Variants in LUZP2 observed in about 807,000 individuals in gnomAD.
LUZP2 encodes the protein leucine zipper protein 2.
Under a neutral mutation model 51.6 loss-of-function variants are expected in LUZP2, and 52 were observed. The ratio of observed to expected loss-of-function variants is 1.01; its 90% CI spans 0.81 to 1.27. LUZP2 has a LOEUF of 1.27. LUZP2 is among the 50% of genes most tolerant of loss of function. The pLI is 0.00. For missense variants in LUZP2, 436 were observed against 395.4 expected, an observed-to-expected ratio of 1.10 and a Z score of -0.87; for synonymous variants, 154 against 137.3, an observed-to-expected ratio of 1.12 and a Z score of -0.85.
intron 5 of LUZP2, among the ~76,000 whole-genome samples, chr11:24,890,445 T>C (rs1317690625): frequency 6.6e-6 from 1 of 152,198 alleles, no homozygotes; most frequent in Non-Finnish European, 1.5e-5. Flanking sequence ...TGCAATCTCT[T>C]AAACAAGTGG....
At chr11:25,056,857 T>G (rs1161856360) in intron 10 of LUZP2, among the ~76,000 whole-genome samples, 2 of 152,150 alleles carry the variant, frequency 1.3e-5, no homozygotes, top group African/African-American at 4.8e-5. Flanking sequence ...TCCCGGCGCT[T>G]TGGGAGCCCA....
intron 5 of LUZP2, among the ~76,000 whole-genome samples, chr11:24,856,585 C>A (rs1158985295): frequency 6.6e-6 from 1 of 151,692 alleles, no homozygotes; most frequent in Non-Finnish European, 1.5e-5. Context: ...GGATATCTAC[C>A]CAAAGGGAAT....
At chr11:24,510,738 C>T (rs1850282887) in intron 1 of LUZP2, among the ~76,000 whole-genome samples, 1 of 152,038 alleles carries the variant, frequency 6.6e-6, no homozygotes, top group Non-Finnish European at 1.5e-5. Context: ...TTAATATTAT[C>T]TACTTCAAGC....
At chr11:24,641,664 G>T (rs1248686296) in intron 1 of LUZP2, among the ~76,000 whole-genome samples, 1 of 151,668 alleles carries the variant, frequency 6.6e-6, no homozygotes, top group Admixed American at 6.6e-5. Context: ...CAAACTTCCG[G>T]ATTAGTCTAA....
intron 7 of LUZP2, among the ~76,000 whole-genome samples, chr11:24,957,598 T>C (rs565246911): frequency 2.9e-4 from 44 of 152,310 alleles, no homozygotes; most frequent in Admixed American, 5.2e-4. Context: ...CGTGTGGTAT[T>C]TGACTTTCTT....
At chr11:24,773,197 A>G (rs916405957) in intron 5 of LUZP2, among the ~76,000 whole-genome samples, 5 of 150,730 alleles carry the variant, frequency 3.3e-5, no homozygotes, top group Non-Finnish European at 5.9e-5. Flanking sequence ...CTGTATATTT[A>G]TTTCTGGAAT....
At chr11:24,644,063 G>T (rs1437886146) in intron 1 of LUZP2, among the ~76,000 whole-genome samples, 1 of 152,072 alleles carries the variant, frequency 6.6e-6, no homozygotes, top group Non-Finnish European at 1.5e-5. Context: ...ACTATTAATT[G>T]CTTCTGTAGG....
intron 9 of LUZP2, among the ~76,000 whole-genome samples, chr11:25,018,758 C>G (rs1449071749): frequency 6.6e-6 from 1 of 151,954 alleles, no homozygotes; most frequent in African/African-American, 2.4e-5. Flanking sequence ...CAGGTGCATG[C>G]CACCATGCCT....
intron 7 of LUZP2, among the ~76,000 whole-genome samples, chr11:24,959,712 C>T (rs1005422148): frequency 2.6e-5 from 4 of 152,132 alleles, no homozygotes; most frequent in African/African-American, 9.7e-5. Flanking sequence ...GACAATTTGA[C>T]TTCCTCTTTT....
At chr11:24,698,796 T>C (rs986441712) in intron 1 of LUZP2, among the ~76,000 whole-genome samples, 2 of 152,100 alleles carry the variant, frequency 1.3e-5, no homozygotes, top group East Asian at 3.9e-4. Context: ...AGGCTCACAC[T>C]TGTAATCCTC....
chr11:24,855,415 G>T (rs974275069), intron 5 of LUZP2, among the ~76,000 whole-genome samples: 1 of 152,020 alleles, frequency 6.6e-6, no homozygotes, highest in African/African-American at 2.4e-5. Context: ...TAACCCAGAG[G>T]GTGAAATATC....
At chr11:24,964,814 A>G (rs1855534304) in intron 7 of LUZP2, among the ~76,000 whole-genome samples, 2 of 151,862 alleles carry the variant, frequency 1.3e-5, no homozygotes, top group East Asian at 3.9e-4. Context: ...TACTGTATTT[A>G]TTTACCTAGA....
At chr11:24,978,202 T>G (rs1003590805) in intron 8 of LUZP2, among the ~76,000 whole-genome samples, 2 of 151,682 alleles carry the variant, frequency 1.3e-5, no homozygotes, top group Non-Finnish European at 3.0e-5. Flanking sequence ...CATTATAAGA[T>G]TTTAAAAAAA....
At chr11:24,989,947 C>T (rs1356191585) in intron 9 of LUZP2, among the ~76,000 whole-genome samples, 1 of 151,974 alleles carries the variant, frequency 6.6e-6, no homozygotes, top group Non-Finnish European at 1.5e-5. Context: ...TCCATCAGTT[C>T]CTAATCACTG....
intron 9 of LUZP2, among the ~76,000 whole-genome samples, chr11:25,036,640 C>A (rs1239834957): frequency 6.6e-6 from 1 of 152,044 alleles, no homozygotes; most frequent in East Asian, 1.9e-4. Context: ...ACTTTGTCTG[C>A]ATCCCAGAGA....
At chr11:24,785,769 A>C in intron 5 of LUZP2, 1 of 589,780 alleles carries the variant, frequency 1.7e-6, no homozygotes, top group Non-Finnish European at 2.1e-6. Flanking sequence ...TGTTAGAGAC[A>C]GAAGAGATGT....
chr11:25,015,897 C>CTTT (rs553027081), intron 9 of LUZP2, among the ~76,000 whole-genome samples: 9,307 of 133,950 alleles, frequency 0.069, 1,064 homozygotes, highest in African/African-American at 0.24. Context: ...GTGTGAATTT[C>CTTT]TTTTTTTTTT....
chr11:24,893,302 G>A (rs1852914905), intron 5 of LUZP2: 1 of 151,426 alleles, frequency 6.6e-6, no homozygotes, highest in African/African-American at 2.4e-5. Flanking sequence ...TCGATTTTTT[G>A]TTTAGATGAA....
chr11:24,938,447 C>T (rs1854651662), intron 7 of LUZP2, among the ~76,000 whole-genome samples: 1 of 152,078 alleles, frequency 6.6e-6, no homozygotes, highest in Non-Finnish European at 1.5e-5. Flanking sequence ...GCATCAGACT[C>T]CTTTGCTATA....
Sources: gnomAD v4.1 joint callset for allele counts (sites outside exome capture counted in the v4.1 genomes callset) on GRCh38, gnomAD v4.1.1 for gene constraint, MANE v1.5 for transcripts, NCBI Gene and HGNC (gene_info 2026-07-23, HGNC 2026-07-21) for gene names.